HERC3: variants seen among roughly 807,000 people sequenced by gnomAD.
The protein encoded by HERC3 is probable E3 ubiquitin-protein ligase HERC3.
A neutral mutation model predicts 129.9 loss-of-function variants in HERC3; 58 were observed. The observed-to-expected ratio is 0.45, with a 90% confidence interval of 0.36 to 0.56. The LOEUF is 0.56. Among genes scored for constraint, HERC3 ranks in the 20% least tolerant of loss-of-function variants. The pLI is 0.00. For missense variants in HERC3, 835 were observed against 1,244.2 expected, an observed-to-expected ratio of 0.67 and a Z score of 4.95; for synonymous variants, 430 against 451.0, an observed-to-expected ratio of 0.95 and a Z score of 0.59.
At chr4:88,689,571 T>C (rs1578325479) in intron 23 of HERC3, among the ~76,000 whole-genome samples, 1 of 144,200 alleles carries the variant, frequency 6.9e-6, no homozygotes, top group Non-Finnish European at 1.5e-5. Context: ...TCTTCTTCCA[T>C]CCTTGACTAC....
At chr4:88,685,634 C>G (rs1196295821) in intron 21 of HERC3, among the ~76,000 whole-genome samples, 1 of 151,652 alleles carries the variant, frequency 6.6e-6, no homozygotes, top group Non-Finnish European at 1.5e-5. Context: ...AGCATTAGGA[C>G]AAATACCTAA....
intron 19 of HERC3, among the ~76,000 whole-genome samples, 176 bp downstream of exon 19, chr4:88,678,310 T>C (rs1037574435): frequency 6.6e-6 from 1 of 152,174 alleles, no homozygotes; most frequent in Non-Finnish European, 1.5e-5. Flanking sequence ...CAATGTAACA[T>C]TGGATAAAAA....
intron 3 of HERC3, among the ~76,000 whole-genome samples, chr4:88,629,257 CAAAT>C (rs762694422): frequency 6.6e-6 from 1 of 152,174 alleles, no homozygotes; most frequent in African/African-American, 2.4e-5. Flanking sequence ...CTAAAATAAG[CAAAT>C]AAATTCTCTT....
At chr4:88,600,819 C>T (rs559857149) in intron 2 of HERC3, among the ~76,000 whole-genome samples, 14 of 152,254 alleles carry the variant, frequency 9.2e-5, no homozygotes, top group African/African-American at 3.1e-4. Flanking sequence ...ACCTAATACA[C>T]ATTTTTTTCT....
chr4:88,690,850 A>G (rs533170310), intron 23 of HERC3, among the ~76,000 whole-genome samples: 5 of 152,300 alleles, frequency 3.3e-5, no homozygotes, highest in African/African-American at 9.6e-5. Flanking sequence ...CTTTGAATCA[A>G]CAATTGAATT....
Position 88,658,417 on chromosome 4 carries a change from C to T in HERC3, c.1072C>T (p.Arg358Cys), listed in dbSNP as rs774370856. The change falls in exon 10 of 26, where the codon CGC becomes TGC. Residue 358 changes from arginine (R) to cysteine (C), a missense_variant and splice_region_variant. Coordinates refer to ENST00000402738, the MANE Select transcript of HERC3 (RefSeq NM_014606.3). ...HSGQLSARAD[R>C]FKYHIVKQIF... ...TTTCGGAATTTTTTTTTTGACAGAT[C>T]GCTTTAAATATCATATCGTTAAGCA... 43 of 1,562,974 alleles carry T rather than the reference C, an allele frequency of 2.8e-5. No homozygotes were observed. The highest frequency in any genetic ancestry group is 4.6e-5 in the East Asian group (2 of 43,944).
chr4:88,579,232 A>AATATATATATATATATATATAT, the HERC3 span, among the ~76,000 whole-genome samples: 3 of 104,070 alleles, frequency 2.9e-5, no homozygotes, highest in African/African-American at 1.8e-4. Flanking sequence ...AAAAAAAAAA[A>AATATATATATATATATATATAT]ATATATATAT....
chr4:88,631,441 A>G (rs1298572504), intron 3 of HERC3, among the ~76,000 whole-genome samples: 1 of 152,224 alleles, frequency 6.6e-6, no homozygotes, highest in East Asian at 1.9e-4. Context: ...TGGGTGACAA[A>G]GTGAGATTCT....
chr4:88,592,063 C>A (rs1357042814), upstream of HERC3, among the ~76,000 whole-genome samples: 1 of 152,154 alleles, frequency 6.6e-6, no homozygotes, highest in Non-Finnish European at 1.5e-5. Context: ...CAATTGTCAC[C>A]CTCCAGCTTT....
At position 88,676,389 on chromosome 4, in the gene HERC3, A is replaced by T. The variant is rs1217221949; in HGVS notation, c.1991A>T (p.Lys664Ile). The change falls in exon 18 of 26, where the codon AAA becomes ATA. Residue 664 changes from lysine to isoleucine, a missense_variant. Coordinates refer to ENST00000402738, the MANE Select transcript of HERC3 (RefSeq NM_014606.3). ...PFIFDAQAKT[K>I]MLQTDAELQM... ...ATCTTTGATGCCCAAGCCAAGACCAAAATGTTACAGACAGATGCTGAACTA... is the reference window on the plus strand; with the variant it reads ...ATCTTTGATGCCCAAGCCAAGACCATAATGTTACAGACAGATGCTGAACTA... 6.2e-7 allele frequency: 1 copy of T among 1,612,186 alleles called. No individual in the cohort carries two copies. The highest frequency in any genetic ancestry group is 1.3e-5 in the African/African-American group (1 of 74,882).
intron 23 of HERC3, among the ~76,000 whole-genome samples, chr4:88,691,513 T>C (rs973146626): frequency 2.0e-5 from 3 of 152,236 alleles, no homozygotes; most frequent in African/African-American, 7.2e-5. Context: ...GACTTCTCGT[T>C]GTATCCTAGC....
chr4:88,701,505 C>A (rs1248374659), intron 23 of HERC3, among the ~76,000 whole-genome samples: 3 of 152,130 alleles, frequency 2.0e-5, no homozygotes, highest in Admixed American at 1.3e-4. Context: ...TAACTATCTT[C>A]ATGATGTGAA....
chr4:88,576,002 C>T, the HERC3 span, among the ~76,000 whole-genome samples: 1 of 152,152 alleles, frequency 6.6e-6, no homozygotes, highest in African/African-American at 2.4e-5. Flanking sequence ...CTTCCTCAAT[C>T]GTTTTGACCT....
intron 3 of HERC3, among the ~76,000 whole-genome samples, chr4:88,613,770 C>A (rs1199045827): frequency 6.6e-6 from 1 of 152,174 alleles, no homozygotes; most frequent in Admixed American, 6.5e-5. Flanking sequence ...CCATCTGTTC[C>A]TTATTAGGAA....
chr4:88,694,633 A>G (rs943435890), intron 23 of HERC3, among the ~76,000 whole-genome samples: 1 of 152,230 alleles, frequency 6.6e-6, no homozygotes, highest in Non-Finnish European at 1.5e-5. Flanking sequence ...GGTGAACATT[A>G]TGGTAATTAT....
intron 10 of HERC3, among the ~76,000 whole-genome samples, chr4:88,659,364 ACTTTCT>A (rs1249263611): frequency 6.6e-6 from 1 of 152,138 alleles, no homozygotes; most frequent in Non-Finnish European, 1.5e-5. Context: ...TGTCTTGGAA[ACTTTCT>A]CTATTAGTTT....
chr4:88,702,608 C>T (rs1234757108), intron 23 of HERC3, among the ~76,000 whole-genome samples: 1 of 152,114 alleles, frequency 6.6e-6, no homozygotes, highest in East Asian at 1.9e-4. Context: ...ATGACTCTAC[C>T]ATCTTTTCCT....
At chr4:88,534,063 A>T in the HERC3 span, among the ~76,000 whole-genome samples, 1 of 152,190 alleles carries the variant, frequency 6.6e-6, no homozygotes, top group Non-Finnish European at 1.5e-5. Flanking sequence ...TCAAACTTGA[A>T]TATGCATATG....
chr4:88,540,914 G>A, the HERC3 span, among the ~76,000 whole-genome samples: 144 of 152,242 alleles, frequency 9.5e-4, no homozygotes, highest in African/African-American at 2.6e-3. Flanking sequence ...TCCCCACCAG[G>A]CCTGCCTTAC....
Sources: gnomAD v4.1 joint callset for allele counts (sites outside exome capture counted in the v4.1 genomes callset) on GRCh38, gnomAD v4.1.1 for gene constraint, MANE v1.5 for transcripts, NCBI Gene and HGNC (gene_info 2026-07-23, HGNC 2026-07-21) for gene names.